The following CASQ2 variants were observed in gnomAD, a reference collection of about 807,000 sequenced individuals.
The protein encoded by CASQ2 is calsequestrin 2.
Under a neutral mutation model 46.5 loss-of-function variants are expected in CASQ2, and 49 were observed. The observed-to-expected ratio is 1.05, with a 90% confidence interval of 0.84 to 1.34. The LOEUF (loss-of-function observed/expected upper bound fraction) is 1.34, where lower values mean the gene tolerates loss of function less well. Among genes scored for constraint, CASQ2 ranks in the 40% most tolerant of loss-of-function variants. CASQ2 has a pLI of 0.00. For synonymous variants in CASQ2, 174 were observed against 168.5 expected, an observed-to-expected ratio of 1.03 and a Z score of -0.25; for missense variants, 486 against 481.3, an observed-to-expected ratio of 1.01 and a Z score of -0.09.
chr1:115,728,003 A>G (rs1265050755), intron 5 of CASQ2, among the ~76,000 whole-genome samples: 1 of 152,214 alleles, frequency 6.6e-6, no homozygotes, highest in Non-Finnish European at 1.5e-5. Flanking sequence ...TGGAATGTGC[A>G]ACGCTCTATA....
chr1:115,717,644 GTTC>G (rs1439268635), intron 8 of CASQ2, among the ~76,000 whole-genome samples, 193 bp downstream of exon 8: 8 of 152,174 alleles, frequency 5.3e-5, no homozygotes, highest in Non-Finnish European at 1.0e-4. Context: ...ATTCTGATTT[GTTC>G]ACACCTTTTC....
intron 1 of CASQ2, among the ~76,000 whole-genome samples, chr1:115,750,589 G>A (rs1648544073): frequency 1.3e-5 from 2 of 152,264 alleles, no homozygotes; most frequent in African/African-American, 4.8e-5. Flanking sequence ...GCTCACTGAA[G>A]CCTTGACCTC....
chr1:115,761,339 G>T lies in CASQ2; in HGVS notation c.234+6969C>A, dbSNP rs947198227. ...TTGAACCCGGAAGGAGGAGGTTGCA[G>T]TGAGCTGAGATTGCCCCACTGCACT... On this transcript the variant is annotated intron_variant, in intron 1 of 10. Transcript: ENST00000261448. Among the ~76,000 whole-genome samples the T allele has an allele frequency of 2.3e-5, 3 of 129,772 alleles. No homozygotes were observed. The Admixed American group carries it at 2.5e-4, about 11-fold the overall frequency. The allele number at this position is 129,772 out of a possible 152,430, so 85.1% of individuals were successfully genotyped here. A position where few individuals can be genotyped will look rare whatever the true frequency, so the allele number is the denominator to read the frequency against.
intron 3 of CASQ2, among the ~76,000 whole-genome samples, chr1:115,740,241 T>C (rs1267600763): frequency 1.3e-5 from 2 of 152,236 alleles, no homozygotes; most frequent in Admixed American, 6.5e-5. Context: ...TCTAAGCATA[T>C]GGATATGAGG....
At chr1:115,724,348 G>T (rs1179423536) in intron 7 of CASQ2, among the ~76,000 whole-genome samples, 1 of 152,204 alleles carries the variant, frequency 6.6e-6, no homozygotes, top group African/African-American at 2.4e-5. Context: ...TGTTGCCCAG[G>T]CTGGAGTGCA....
At position 115,701,105 on chromosome 1, in the gene CASQ2, G is replaced by A; in HGVS notation, c.*136C>T. 2.3e-6 allele frequency: 3 copies of A among 1,333,266 alleles called. No individual in the cohort carries two copies. The highest frequency in any genetic ancestry group is 2.3e-5 in the South Asian group (2 of 85,186). The allele number at this position is 1,333,266 out of a possible 1,614,324, so 82.6% of individuals were successfully genotyped here. A position where few individuals can be genotyped will look rare whatever the true frequency, so the allele number is the denominator to read the frequency against. On this transcript the variant is annotated 3_prime_UTR_variant, in exon 11 of 11. Transcript: ENST00000261448. ...GAATGATGCTGCTCCTGACGCAAAG[G>A]GAGTGGGAAAAGAGATGATGGAAAA...
intron 3 of CASQ2, among the ~76,000 whole-genome samples, chr1:115,740,431 T>C (rs1025807577): frequency 1.3e-5 from 2 of 152,254 alleles, no homozygotes; most frequent in Non-Finnish European, 2.9e-5. Flanking sequence ...CAGCTCCTCT[T>C]CAGTAGCAGT....
intron 6 of CASQ2, among the ~76,000 whole-genome samples, 165 bp downstream of exon 6, chr1:115,726,827 T>A (rs1393662611): frequency 6.6e-6 from 1 of 152,190 alleles, no homozygotes; most frequent in African/African-American, 2.4e-5. Context: ...AGTAATAACA[T>A]CCCTGCTAGT....
chr1:115,712,867 AAG>A (rs1491217162), intron 8 of CASQ2, among the ~76,000 whole-genome samples: 2,749 of 145,882 alleles, frequency 0.019, 82 homozygotes, highest in African/African-American at 0.04. Flanking sequence ...AAAAAAAAAA[AAG>A]AAAGAAAGAA....
intron 1 of CASQ2, among the ~76,000 whole-genome samples, chr1:115,751,130 A>G (rs1386739563): frequency 1.3e-5 from 2 of 152,256 alleles, no homozygotes; most frequent in Non-Finnish European, 2.9e-5. Context: ...TAATGCATGT[A>G]AAGTGCTTGG....
chr1:115,706,710 TGTGCTTTCTTTG>T (rs1654373160), intron 8 of CASQ2, among the ~76,000 whole-genome samples: 1 of 152,254 alleles, frequency 6.6e-6, no homozygotes, highest in Non-Finnish European at 1.5e-5. Flanking sequence ...TTCAATTAAC[TGTGCTTTCTTTG>T]CACAGTTTTT....
At chr1:115,758,257 T>C (rs2101117446) in intron 1 of CASQ2, among the ~76,000 whole-genome samples, 1 of 152,382 alleles carries the variant, frequency 6.6e-6, no homozygotes, top group East Asian at 1.9e-4. Flanking sequence ...GGCTAATTTC[T>C]CTGTCTGTAA....
At chr1:115,729,153 G>C (rs556784058) in intron 5 of CASQ2, among the ~76,000 whole-genome samples, 1 of 147,738 alleles carries the variant, frequency 6.8e-6, no homozygotes, top group African/African-American at 2.5e-5. Flanking sequence ...AGGTTCGAGC[G>C]ATTCTCCTGC....
In CASQ2 at chr1:115,742,275, C is replaced by A. The variant is rs138629126; in HGVS notation, c.320-1447G>T. Among the ~76,000 whole-genome samples the A allele has an allele frequency of 8.5e-3, 1,299 of 152,000 alleles. 26 individuals carry two copies. The highest frequency in any genetic ancestry group is 0.03 in the African/African-American group (1,243 of 41,450). ...TACAAGCATGAGACACCGTGTCTGG[C>A]CCTGCCAGATTTTCTTGATATCAAT... On this transcript the variant is annotated intron_variant, in intron 2 of 10. Coordinates refer to ENST00000261448, the MANE Select transcript of CASQ2 (RefSeq NM_001232.4).
chr1:115,715,468 T>C (rs1402710915), intron 8 of CASQ2, among the ~76,000 whole-genome samples: 7 of 152,226 alleles, frequency 4.6e-5, no homozygotes, highest in Non-Finnish European at 8.8e-5. Context: ...AAAGGCTACA[T>C]ATTAAATGAT....
intron 9 of CASQ2, among the ~76,000 whole-genome samples, chr1:115,704,632 A>G (rs1443850765): frequency 6.6e-6 from 1 of 152,208 alleles, no homozygotes; most frequent in Non-Finnish European, 1.5e-5. Flanking sequence ...ACTAAGTATA[A>G]TCAAAAGTTT....
At chr1:115,760,073 CG>C (rs1481904086) in intron 1 of CASQ2, among the ~76,000 whole-genome samples, 1 of 152,148 alleles carries the variant, frequency 6.6e-6, no homozygotes, top group Non-Finnish European at 1.5e-5. Context: ...GGGAGAACCC[CG>C]GGAGGCCTGG....
intron 2 of CASQ2, among the ~76,000 whole-genome samples, chr1:115,742,050 T>C (rs900572339): frequency 2.0e-5 from 3 of 151,970 alleles, no homozygotes; most frequent in African/African-American, 7.2e-5. Flanking sequence ...GTATTCTTTT[T>C]GTTTGTTTGT....
Position 115,768,602 on chromosome 1 carries a change from C to A in CASQ2, c.-61G>T. On this transcript the variant is annotated 5_prime_UTR_variant, in exon 1 of 11. Coordinates refer to ENST00000261448, the MANE Select transcript of CASQ2 (RefSeq NM_001232.4). ...TGTGTGCAGAATAGAGGACAGAAGACTGTTAGAGGCCTTGTTGAGCCAAGG... is the reference window on the plus strand; with the variant it reads ...TGTGTGCAGAATAGAGGACAGAAGAATGTTAGAGGCCTTGTTGAGCCAAGG... The A allele has an allele frequency of 9.5e-7, 1 of 1,057,862 alleles. No homozygotes were observed. Among genetic ancestry groups the A allele is most frequent in the East Asian group, 2.5e-5 (1 of 40,190 alleles). 65.5% of individuals were successfully genotyped at this position (1,057,862 alleles called of 1,614,324 possible). A position where few individuals can be genotyped will look rare whatever the true frequency, so the allele number is the denominator to read the frequency against.
Sources: gnomAD v4.1 joint callset for allele counts (sites outside exome capture counted in the v4.1 genomes callset) on GRCh38, gnomAD v4.1.1 for gene constraint, MANE v1.5 for transcripts, NCBI Gene and HGNC (gene_info 2026-07-23, HGNC 2026-07-21) for gene names.